SOBP: variants seen among roughly 807,000 people sequenced by gnomAD.
The protein encoded by SOBP is sine oculis binding protein homolog.
In SOBP, 4 loss-of-function variants were observed where a neutral mutation model predicts 53.6. That is an observed-to-expected ratio of 0.07 (90% CI 0.04 to 0.17). The LOEUF is 0.17. Ranked by LOEUF, SOBP falls within the 10% of genes least tolerant of loss-of-function variation. The pLI is 1.00. For missense variants in SOBP, 1,088 were observed against 1,204.7 expected, an observed-to-expected ratio of 0.90 and a Z score of 1.43; for synonymous variants, 584 against 522.6, an observed-to-expected ratio of 1.12 and a Z score of -1.60.
intron 5 of SOBP, among the ~76,000 whole-genome samples, chr6:107,608,900 A>C (rs890500264): frequency 6.6e-6 from 1 of 152,218 alleles, no homozygotes; most frequent in African/African-American, 2.4e-5. Context: ...TCGATTTGGC[A>C]TCAGAAAGCC....
chr6:107,589,945 C>T (rs78819407), intron 5 of SOBP, among the ~76,000 whole-genome samples: 46 of 152,272 alleles, frequency 3.0e-4, no homozygotes, highest in African/African-American at 1.1e-3. Flanking sequence ...AAATTTCTAT[C>T]ATGTTAACAG....
intron 3 of SOBP, among the ~76,000 whole-genome samples, chr6:107,529,889 TAATTA>T (rs1328781456): frequency 6.6e-6 from 1 of 152,240 alleles, no homozygotes; most frequent in East Asian, 1.9e-4. Context: ...ACATTCTGCT[TAATTA>T]AATTCGGTAC....
chr6:107,550,448 TA>T (rs1245533095), intron 4 of SOBP, among the ~76,000 whole-genome samples: 2 of 152,144 alleles, frequency 1.3e-5, no homozygotes, highest in Admixed American at 1.3e-4. Flanking sequence ...CAACAAGCAA[TA>T]TTGAGCATCC....
At chr6:107,587,624 A>G (rs993653071) in intron 5 of SOBP, among the ~76,000 whole-genome samples, 8 of 152,216 alleles carry the variant, frequency 5.3e-5, no homozygotes, top group African/African-American at 1.9e-4. Flanking sequence ...TTTAGAATTC[A>G]AGTATTCCTC....
chr6:107,537,798 C>T (rs1784041200), intron 4 of SOBP, among the ~76,000 whole-genome samples: 1 of 132,196 alleles, frequency 7.6e-6, no homozygotes. Context: ...CCTTCCTGGG[C>T]AACAGAGCAA....
chr6:107,652,951 T>C (rs1250297454), intron 6 of SOBP, among the ~76,000 whole-genome samples: 1 of 152,144 alleles, frequency 6.6e-6, no homozygotes, highest in Non-Finnish European at 1.5e-5. Flanking sequence ...TACAGTATAG[T>C]ATAAACATAA....
Position 107,640,513 on chromosome 6 carries a change from T to A in SOBP, c.*3+5044T>A, listed in dbSNP as rs1202274620. On this transcript the variant is annotated intron_variant, in intron 6 of 6. Transcript: ENST00000317357. ...GAAAGAAGACACCAGGTCTGTGTCA[T>A]GGACACATGTGAGTGGGAGGACCTG... Among the ~76,000 whole-genome samples, 4 of 152,204 alleles carry A rather than the reference T, an allele frequency of 2.6e-5. No homozygotes were observed. The South Asian group carries it at 8.3e-4, about 31-fold the overall frequency.
chr6:107,544,806 AATTCATTC>A (rs66633887), intron 4 of SOBP, among the ~76,000 whole-genome samples: 1 of 151,266 alleles, frequency 6.6e-6, no homozygotes, highest in Non-Finnish European at 1.5e-5. Context: ...TTTGTTTGCA[AATTCATTC>A]ATTCATTCAT....
chr6:107,649,943 A>G (rs1771733465), intron 6 of SOBP, among the ~76,000 whole-genome samples: 1 of 152,202 alleles, frequency 6.6e-6, no homozygotes, highest in African/African-American at 2.4e-5. Context: ...CACTTATAAG[A>G]AAAAACAGAC....
At chr6:107,506,205 C>T (rs774033628) in intron 2 of SOBP, 37 bp from the exon 3 acceptor site, 38 of 1,586,374 alleles carry the variant, frequency 2.4e-5, no homozygotes, top group East Asian at 4.5e-5. Flanking sequence ...GCATTACATT[C>T]CTTGGTCACA....
intron 1 of SOBP, among the ~76,000 whole-genome samples, chr6:107,498,402 T>TGTTGTTTTCAA (rs1782751943): frequency 6.6e-6 from 1 of 152,184 alleles, no homozygotes; most frequent in Non-Finnish European, 1.5e-5. Context: ...AAAATCTACT[T>TGTTGTTTTCAA]GTTGTTTTCA....
chr6:107,529,375 A>T, intron 3 of SOBP: 1 of 848,238 alleles, frequency 1.2e-6, no homozygotes, highest in Non-Finnish European at 1.4e-6. Context: ...TGGGGAACAC[A>T]CAGGAGTCTC....
intron 4 of SOBP, among the ~76,000 whole-genome samples, chr6:107,557,370 T>C (rs1784643615): frequency 6.6e-6 from 1 of 152,240 alleles, no homozygotes; most frequent in African/African-American, 2.4e-5. Context: ...TTCTGTGAAC[T>C]GTAGGCTTGC....
intron 1 of SOBP, among the ~76,000 whole-genome samples, chr6:107,497,074 T>A (rs1241518058): frequency 2.0e-5 from 3 of 152,228 alleles, no homozygotes; most frequent in African/African-American, 4.8e-5. Flanking sequence ...CAGATTACCT[T>A]TCTTTATCTC....
At chr6:107,620,024 A>G (rs1439964599) in intron 5 of SOBP, among the ~76,000 whole-genome samples, 2 of 152,196 alleles carry the variant, frequency 1.3e-5, no homozygotes, top group Non-Finnish European at 2.9e-5. Context: ...TCCTAAAGTT[A>G]TGGAAGCTTG....
intron 6 of SOBP, among the ~76,000 whole-genome samples, chr6:107,641,941 G>A (rs910522385): frequency 3.3e-5 from 5 of 152,184 alleles, no homozygotes; most frequent in Admixed American, 6.5e-5. Flanking sequence ...TTCTCTTACC[G>A]TGTCCTGCAC....
At chr6:107,646,332 A>G (rs1294591249) in intron 6 of SOBP, among the ~76,000 whole-genome samples, 2 of 152,250 alleles carry the variant, frequency 1.3e-5, no homozygotes, top group African/African-American at 4.8e-5. Flanking sequence ...CTCACAATCA[A>G]CAGACCATTC....
chr6:107,521,153 A>G (rs969548232), intron 3 of SOBP, among the ~76,000 whole-genome samples: 27 of 148,492 alleles, frequency 1.8e-4, no homozygotes, highest in African/African-American at 5.8e-4. Flanking sequence ...ACTGGGAGGT[A>G]GAGATATTGT....
intron 5 of SOBP, among the ~76,000 whole-genome samples, chr6:107,602,144 T>C (rs1212169942): frequency 6.6e-6 from 1 of 152,216 alleles, no homozygotes; most frequent in East Asian, 1.9e-4. Flanking sequence ...ATTAACTTTT[T>C]GAGTCACATC....
Sources: allele counts gnomAD v4.1 joint callset (sites outside exome capture counted in the v4.1 genomes callset), GRCh38; gene constraint gnomAD v4.1.1; transcripts MANE v1.5; gene names NCBI Gene and HGNC (gene_info 2026-07-23, HGNC 2026-07-21).